Variants in THSD7B observed in about 807,000 individuals in gnomAD.
THSD7B encodes thrombospondin type-1 domain-containing protein 7B.
THSD7B carries 138 observed loss-of-function variants against 213.6 expected under a neutral mutation model. That is an observed-to-expected ratio of 0.65 (90% CI 0.56 to 0.74). The LOEUF is 0.74. Ranked by LOEUF, THSD7B falls within the 30% of genes least tolerant of loss-of-function variation. THSD7B has a pLI of 0.00. For synonymous variants in THSD7B, 742 were observed against 687.0 expected, an observed-to-expected ratio of 1.08 and a Z score of -1.25; for missense variants, 1,931 against 1,991.5, an observed-to-expected ratio of 0.97 and a Z score of 0.58.
At chr2:137,292,097 T>A (rs575282548) in intron 12 of THSD7B, among the ~76,000 whole-genome samples, 2 of 152,260 alleles carry the variant, frequency 1.3e-5, no homozygotes, top group African/African-American at 4.8e-5. Flanking sequence ...AGAAGGGAAG[T>A]GTTGGCTTCA....
chr2:136,993,447 A>G (rs554841824), intron 2 of THSD7B, among the ~76,000 whole-genome samples: 4 of 152,344 alleles, frequency 2.6e-5, no homozygotes, highest in African/African-American at 9.6e-5. Context: ...AATAAGACAA[A>G]TAGTAAGTGA....
intron 15 of THSD7B, among the ~76,000 whole-genome samples, chr2:137,520,890 A>C (rs1270184051): frequency 6.6e-6 from 1 of 152,228 alleles, no homozygotes; most frequent in Non-Finnish European, 1.5e-5. Context: ...CGTGCTTAAA[A>C]ATCATTAGCA....
At chr2:137,028,176 C>A (rs1686589395) in intron 2 of THSD7B, among the ~76,000 whole-genome samples, 2 of 152,050 alleles carry the variant, frequency 1.3e-5, no homozygotes, top group South Asian at 4.1e-4. Context: ...GCAATGCAGT[C>A]GTCTGGATTC....
At chr2:137,492,340 A>T (rs564818823) in intron 15 of THSD7B, among the ~76,000 whole-genome samples, 79 of 152,240 alleles carry the variant, frequency 5.2e-4, no homozygotes, top group African/African-American at 1.8e-3. Flanking sequence ...AATTATATAC[A>T]TGTGCCTGCT....
chr2:137,448,155 T>C (rs1324116525), intron 14 of THSD7B, among the ~76,000 whole-genome samples: 2 of 152,218 alleles, frequency 1.3e-5, no homozygotes, highest in Non-Finnish European at 2.9e-5. Flanking sequence ...TGGTTGAAGA[T>C]AGAGTACTTA....
chr2:137,285,393 C>G (rs1189736152), intron 12 of THSD7B, among the ~76,000 whole-genome samples: 1 of 152,028 alleles, frequency 6.6e-6, no homozygotes, highest in Non-Finnish European at 1.5e-5. Context: ...GCATGTAGCC[C>G]ATTAGCATTT....
At chr2:137,278,267 G>A (rs1188068826) in intron 12 of THSD7B, among the ~76,000 whole-genome samples, 1 of 152,002 alleles carries the variant, frequency 6.6e-6, no homozygotes, top group Non-Finnish European at 1.5e-5. Flanking sequence ...AGACCACCTG[G>A]GGTAAAGTCA....
chr2:137,142,665 T>G (rs16838200), intron 5 of THSD7B, among the ~76,000 whole-genome samples: 16,099 of 152,136 alleles, frequency 0.11, 2,827 homozygotes, highest in African/African-American at 0.36. Context: ...TTATGTCTTT[T>G]TTATGTTATC....
intron 2 of THSD7B, among the ~76,000 whole-genome samples, chr2:137,033,592 ATATTATTTT>A (rs1344188589): frequency 4.0e-5 from 6 of 151,578 alleles, no homozygotes; most frequent in Non-Finnish European, 5.9e-5. Context: ...TTTTTCTTAG[ATATTATTTT>A]TATTATTTTT....
intron 12 of THSD7B, among the ~76,000 whole-genome samples, chr2:137,280,829 A>C (rs1558740849): frequency 6.6e-6 from 1 of 152,086 alleles, no homozygotes; most frequent in Non-Finnish European, 1.5e-5. Context: ...AAAAGAGAGA[A>C]AGAAAAGCCG....
At chr2:137,375,553 T>G (rs1685633969) in intron 12 of THSD7B, among the ~76,000 whole-genome samples, 1 of 152,230 alleles carries the variant, frequency 6.6e-6, no homozygotes, top group African/African-American at 2.4e-5. Flanking sequence ...TTAAAAAGTC[T>G]TGTGCAAGAC....
At chr2:137,048,789 C>T (rs766119280) in intron 2 of THSD7B, among the ~76,000 whole-genome samples, 5 of 152,134 alleles carry the variant, frequency 3.3e-5, no homozygotes, top group African/African-American at 4.8e-5. Context: ...TGATCAGGGA[C>T]GCAGCTTAAA....
At chr2:137,505,153 G>A (rs1296057477) in intron 15 of THSD7B, among the ~76,000 whole-genome samples, 1 of 152,226 alleles carries the variant, frequency 6.6e-6, no homozygotes, top group Non-Finnish European at 1.5e-5. Flanking sequence ...CATTTCCCAA[G>A]AAGGGGCCTG....
chr2:137,472,623 A>G (rs889179494), intron 15 of THSD7B, among the ~76,000 whole-genome samples: 1 of 152,224 alleles, frequency 6.6e-6, no homozygotes, highest in South Asian at 2.1e-4. Context: ...AGTAAAGGAT[A>G]TGAACAACTT....
intron 20 of THSD7B, among the ~76,000 whole-genome samples, chr2:137,625,818 T>A (rs1480110319): frequency 6.6e-6 from 1 of 152,238 alleles, no homozygotes; most frequent in African/African-American, 2.4e-5. Context: ...GTGGAAACTC[T>A]GTGGCAGCTC....
intron 4 of THSD7B, among the ~76,000 whole-genome samples, chr2:137,107,664 A>T (rs866965692): frequency 6.6e-6 from 1 of 152,174 alleles, no homozygotes; most frequent in Non-Finnish European, 1.5e-5. Context: ...GCATTTGTCT[A>T]TTACTGAGGT....
chr2:136,911,757 A>C (rs1684261642), intron 2 of THSD7B, among the ~76,000 whole-genome samples: 3 of 152,334 alleles, frequency 2.0e-5, no homozygotes, highest in East Asian at 1.9e-4. Flanking sequence ...TTTCTTTAAT[A>C]ATGCATGCCA....
chr2:137,149,988 TC>T (rs1395689948), intron 5 of THSD7B, among the ~76,000 whole-genome samples: 2 of 152,110 alleles, frequency 1.3e-5, no homozygotes, highest in Admixed American at 6.5e-5. Flanking sequence ...ACGCCTGTAA[TC>T]CCAGCAGTTT....
At chr2:137,002,121 A>T (rs1201518992) in intron 2 of THSD7B, among the ~76,000 whole-genome samples, 1 of 152,042 alleles carries the variant, frequency 6.6e-6, no homozygotes, top group Admixed American at 6.6e-5. Flanking sequence ...GGTTTTGTGC[A>T]CATTTTTTGC....
Sources: gnomAD v4.1 joint callset for allele counts (sites outside exome capture counted in the v4.1 genomes callset) on GRCh38, gnomAD v4.1.1 for gene constraint, MANE v1.5 for transcripts, NCBI Gene and HGNC (gene_info 2026-07-23, HGNC 2026-07-21) for gene names.